DDHD2: variants seen among roughly 807,000 people sequenced by gnomAD.
DDHD2 encodes the protein DDHD domain containing 2.
In DDHD2, 62 loss-of-function variants were observed where a neutral mutation model predicts 91.2. The observed-to-expected ratio is 0.68, with a 90% confidence interval of 0.55 to 0.84. The LOEUF (loss-of-function observed/expected upper bound fraction) is 0.84, where lower values mean the gene tolerates loss of function less well. DDHD2 is among the 40% of genes least tolerant of loss of function. The probability of loss-of-function intolerance (pLI) is 0.00; values close to 1 mark genes in which losing one functional copy is unlikely to be tolerated. For synonymous variants in DDHD2, 271 were observed against 293.9 expected (o/e 0.92, Z 0.80); for missense variants, 740 against 846.9 (o/e 0.87, Z 1.57).
chr8:38,239,630 T>C (rs1394705218), intron 5 of DDHD2, among the ~76,000 whole-genome samples: 1 of 134,100 alleles, frequency 7.5e-6, no homozygotes, highest in Admixed American at 8.1e-5. Flanking sequence ...GAGGTTGCAG[T>C]GAGCCAAGAT....
intron 11 of DDHD2, 177 bp from the exon 12 acceptor site, chr8:38,251,735 A>G (rs1806123125): frequency 5.4e-6 from 3 of 560,054 alleles, no homozygotes; most frequent in South Asian, 2.4e-5. Flanking sequence ...TACTTTTACT[A>G]TATAGTAGCT....
chr8:38,246,135 T>G (rs1164350564), intron 8 of DDHD2, 98 bp from the exon 9 acceptor site: 1 of 1,109,982 alleles, frequency 9.0e-7, no homozygotes, highest in African/African-American at 1.6e-5. Flanking sequence ...CTGTATAGAT[T>G]TGCTTACATA....
rs997716780 is a variant in DDHD2, at chr8:38,253,683, G to C, written c.2019G>C (p.Glu673Asp). Residue 673 changes from glutamate to aspartate, a missense_variant, in exon 16 of 18, where the codon GAG becomes GAC. Physicochemically the swap from Glu to Asp is conservative, Grantham distance 45. Coordinates refer to ENST00000397166, the MANE Select transcript of DDHD2 (RefSeq NM_015214.3). ...AGAAGCCTATTGAAAGTTTTAATGA[G>C]TATTTATTTGCTTTACAAAGCCATC... ...LQEKPIESFN[E>D]YLFALQSHLC... The C allele has an allele frequency of 2.4e-5, 38 of 1,613,930 alleles. No homozygotes were observed. The highest frequency in any genetic ancestry group is 3.2e-5 in the Non-Finnish European group (38 of 1,179,974).
chr8:38,268,059 G>C, intron 1 of DDHD2: 1 of 1,584,934 alleles, frequency 6.3e-7, no homozygotes, highest in East Asian at 2.3e-5. Context: ...GAGATGGATA[G>C]AATCCAACCA....
chr8:38,253,916 C>CA (rs1483169603), intron 16 of DDHD2, among the ~76,000 whole-genome samples, 198 bp downstream of exon 16: 2 of 151,920 alleles, frequency 1.3e-5, no homozygotes, highest in East Asian at 3.9e-4. Context: ...CTCATCTCTA[C>CA]AAAAACTAAA....
chr8:38,233,716 G>A (rs1450007769), intron 2 of DDHD2, among the ~76,000 whole-genome samples: 1 of 152,012 alleles, frequency 6.6e-6, no homozygotes, highest in Non-Finnish European at 1.5e-5. Flanking sequence ...ATCACTTGAG[G>A]TCAGAGTTTG....
In DDHD2 at chr8:38,246,252, T is replaced by C; in HGVS notation, c.1077T>C (p.Asp359=). 6.2e-7 allele frequency: 1 copy of C among 1,608,074 alleles called. No individual in the cohort carries two copies. Among genetic ancestry groups the C allele is most frequent in the South Asian group, 1.1e-5 (1 of 90,494 alleles). ...TTATAGGTTCGCTTATATTGTTTGA[T>C]ATCCTAACAAATCAGAAAGATTCTT... The part of the protein sequence containing the change: ...GHSLGSLILF[D]ILTNQKDSLG... The change falls in exon 9 of 18, where the codon GAT becomes GAC. Residue 359 remains aspartate (D), a synonymous_variant. Transcript: ENST00000397166.
At chr8:38,244,827 G>C (rs1805501212) in intron 7 of DDHD2, among the ~76,000 whole-genome samples, 1 of 152,136 alleles carries the variant, frequency 6.6e-6, no homozygotes, top group African/African-American at 2.4e-5. Context: ...GCCTCCCAAA[G>C]TGCTGGCATT....
At chr8:38,269,449 C>G (rs965094116) in intron 1 of DDHD2, among the ~76,000 whole-genome samples, 1 of 152,184 alleles carries the variant, frequency 6.6e-6, no homozygotes, top group African/African-American at 2.4e-5. Flanking sequence ...TACGGTCCAT[C>G]ATCAGCAGCT....
intron 3 of DDHD2, among the ~76,000 whole-genome samples, 156 bp from the exon 4 acceptor site, chr8:38,237,382 A>AAAC (rs971571020): frequency 2.0e-5 from 3 of 152,264 alleles, no homozygotes; most frequent in South Asian, 4.1e-4. Flanking sequence ...AAAACAAAAC[A>AAAC]AACAACAACA....
intron 7 of DDHD2, 141 bp from the exon 8 acceptor site, chr8:38,245,601 A>G (rs1805570768): frequency 1.6e-5 from 12 of 756,558 alleles, no homozygotes; most frequent in East Asian, 1.5e-4. Flanking sequence ...TTCATTACAC[A>G]TGTTCCTTTG....
rs1191777233 is a variant in DDHD2 at position 38,245,834 on chromosome 8, C to T, written c.941C>T (p.Thr314Ile). ...GATGTCTTCTTCTACAATAGTCCCA[C>T]CTACTGTCAGACTATTGTGGACACA... The part of the protein sequence containing the change: ...ILDVFFYNSP[T>I]YCQTIVDTVA... Residue 314 changes from threonine to isoleucine, a missense_variant, in exon 8 of 18, where the codon ACC becomes ATC. By Grantham distance (89) the Thr-to-Ile change is moderately conservative. Around this residue, in one of 2 missense-constraint regions of DDHD2, gnomAD observed 693 missense variants for 764.2 expected, o/e 0.91. Transcript: ENST00000397166. The T allele has an allele frequency of 6.2e-7, 1 of 1,614,002 alleles. No homozygotes were observed. Among genetic ancestry groups the T allele is most frequent in the African/African-American group, 1.3e-5 (1 of 74,922 alleles).
At chr8:38,245,398 C>T (rs1377933507) in intron 7 of DDHD2, among the ~76,000 whole-genome samples, 2 of 151,118 alleles carry the variant, frequency 1.3e-5, no homozygotes, top group African/African-American at 2.4e-5. Context: ...TGCCACTGCC[C>T]TCCAGCCTGG....
At chr8:38,249,834 A>T (rs769692390) in intron 11 of DDHD2, 31 bp downstream of exon 11, 2 of 1,455,794 alleles carry the variant, frequency 1.4e-6, no homozygotes, top group Non-Finnish European at 1.9e-6. Context: ...GTTGGACTAA[A>T]CAATTCTTTG....
At chr8:38,253,361 A>G in intron 15 of DDHD2, 195 bp from the exon 16 acceptor site, 1 of 743,188 alleles carries the variant, frequency 1.3e-6, no homozygotes. Flanking sequence ...GCGCAAAAGC[A>G]AAAAAGGGGA....
downstream of DDHD2, chr8:38,267,656 GGACACT>G: frequency 1.6e-6 from 1 of 621,442 alleles, no homozygotes; most frequent in Non-Finnish European, 2.8e-6. Context: ...GTGCTCAAGA[GGACACT>G]GACCGACTGC....
intron 15 of DDHD2, 117 bp downstream of exon 15, chr8:38,253,244 C>A: frequency 8.6e-7 from 1 of 1,157,486 alleles, no homozygotes; most frequent in Non-Finnish European, 1.2e-6. Flanking sequence ...ATATTGCATT[C>A]TTTTGCTTTA....
At position 38,252,293 on chromosome 8, in the gene DDHD2, C is replaced by T. The variant is rs548574512; in HGVS notation, c.1617+6C>T. ...TCTTCAATATTTATCACCCTGTAAG[C>T]ATTGTACAGCTATTGTGGTTTTACC... On this transcript the variant is annotated splice_donor_region_variant and intron_variant, in intron 13 of 17. Transcript: ENST00000397166. 58 of 1,605,744 alleles carry T rather than the reference C, an allele frequency of 3.6e-5. No individual in the cohort carries two copies. Among genetic ancestry groups the T allele is most frequent in the Admixed American group, 1.4e-4 (8 of 58,082 alleles).
chr8:38,267,072 C>G, downstream of DDHD2: 1 of 1,431,324 alleles, frequency 7.0e-7, no homozygotes, highest in Non-Finnish European at 9.2e-7. Flanking sequence ...TGAAGGTAAA[C>G]TACCTTTCTG....
Sources: allele counts gnomAD v4.1 joint callset (sites outside exome capture counted in the v4.1 genomes callset), GRCh38; gene constraint gnomAD v4.1.1; regional missense constraint gnomAD v4.1.1; transcripts MANE v1.5; gene names NCBI Gene and HGNC (gene_info 2026-07-23, HGNC 2026-07-21).